Variants in ARL10 observed in about 807,000 individuals in gnomAD.
ARL10 encodes the protein ARF like GTPase 10, also known as ADP-ribosylation factor-like protein 10.
In ARL10, 23 loss-of-function variants were observed where a neutral mutation model predicts 26.1. The ratio of observed to expected loss-of-function variants is 0.88; its 90% CI spans 0.63 to 1.25. ARL10 has a LOEUF of 1.25. Ranked by LOEUF, ARL10 falls within the 50% of genes most tolerant of loss-of-function variation. The pLI is 0.00. For synonymous variants in ARL10, 138 were observed against 149.1 expected (o/e 0.93, Z 0.54); for missense variants, 300 against 323.6 (o/e 0.93, Z 0.56).
chr5:176,369,247 T>C (rs1361562775), intron 3 of ARL10: 1 of 1,418,568 alleles, frequency 7.0e-7, no homozygotes, highest in Non-Finnish European at 9.3e-7. Flanking sequence ...TTTGTTTTTT[T>C]TTTGAGACAG....
chr5:176,414,174 C>A, the ARL10 span, among the ~76,000 whole-genome samples: 1 of 152,182 alleles, frequency 6.6e-6, no homozygotes, highest in Non-Finnish European at 1.5e-5. Flanking sequence ...CTCTTCCCTG[C>A]ACCCCGACCC....
downstream of ARL10, among the ~76,000 whole-genome samples, chr5:176,391,838 TA>T (rs1157567913): frequency 1.3e-5 from 2 of 152,228 alleles, no homozygotes; most frequent in African/African-American, 2.4e-5. Context: ...CCTCAAGAAC[TA>T]TGAGACAATA....
chr5:176,392,615 C>A, downstream of ARL10: 1 of 734,988 alleles, frequency 1.4e-6, no homozygotes, highest in South Asian at 1.8e-5. The surrounding 1 kb of genome is among the most constrained non-coding windows in gnomAD (Gnocchi z 5.2). Flanking sequence ...GGGAGCGAGG[C>A]GTGATGGGGT....
chr5:176,365,521 G>T lies in ARL10; in HGVS notation c.-43G>T. On this transcript the variant is annotated 5_prime_UTR_variant, in exon 1 of 4. Transcript: ENST00000310389. ...GGGGCCATCTTCGGCGGGCGAGTGG[G>T]CTCGGCCTGTGCAACCCGCACCTGC... 5 of 1,214,582 alleles carry T rather than the reference G, an allele frequency of 4.1e-6. No homozygotes were observed. Among genetic ancestry groups the T allele is most frequent in the Non-Finnish European group, 5.1e-6 (5 of 976,224 alleles). 75.2% of individuals were successfully genotyped at this position (1,214,582 alleles called of 1,614,324 possible). A position where few individuals can be genotyped will look rare whatever the true frequency, so the allele number is the denominator to read the frequency against.
At chr5:176,385,663 T>C (rs780303344), downstream of ARL10, among the ~76,000 whole-genome samples, 11 of 152,216 alleles carry the variant, frequency 7.2e-5, no homozygotes, top group Non-Finnish European at 1.5e-4. Context: ...TGAAGGCACA[T>C]ACCTGCCCAC....
At position 176,368,768 on chromosome 5, in the gene ARL10, G is replaced by A; in HGVS notation, c.386-39G>A. On this transcript the variant is annotated intron_variant, in intron 2 of 3. Coordinates refer to ENST00000310389, the MANE Select transcript of ARL10 (RefSeq NM_173664.6). The surrounding 1 kb of genome is among the most constrained non-coding windows in gnomAD (Gnocchi z 4.1). ...TGGGGGCTGTGGGCAGTGAGCGGGG[G>A]CCCGGGAGGCTCTGAGCTGGCCCCT... The A allele has an allele frequency of 1.9e-6, 3 of 1,568,672 alleles. No individual in the cohort carries two copies. The highest frequency in any genetic ancestry group is 2.6e-6 in the Non-Finnish European group (3 of 1,156,408).
downstream of ARL10, chr5:176,392,707 CCAAAG>C (rs1756311420): frequency 6.4e-7 from 1 of 1,573,168 alleles, no homozygotes; most frequent in African/African-American, 1.3e-5. The surrounding 1 kb of genome is among the most constrained non-coding windows in gnomAD (Gnocchi z 5.2). Context: ...TCCACCCCGA[CCAAAG>C]CAGCTGCTCC....
At chr5:176,385,285 G>C (rs1561781742), downstream of ARL10, 1 of 1,613,082 alleles carries the variant, frequency 6.2e-7, no homozygotes, top group Non-Finnish European at 8.5e-7. Context: ...CCGAGACAGA[G>C]TATTTCCTTT....
chr5:176,397,741 G>C (rs757907734), intron 1 of ARL10: 54 of 1,604,840 alleles, frequency 3.4e-5, no homozygotes, highest in Non-Finnish European at 4.6e-5. Flanking sequence ...AAGAGAATGA[G>C]TGGCTGCTTT....
downstream of ARL10, chr5:176,384,523 A>T (rs1755678698): frequency 8.0e-6 from 6 of 745,974 alleles, no homozygotes; most frequent in South Asian, 1.1e-4. Flanking sequence ...ACAGTGGCTC[A>T]TGCCTGTAAT....
downstream of ARL10, chr5:176,385,337 T>C (rs1264525181): frequency 4.0e-6 from 6 of 1,509,570 alleles, no homozygotes; most frequent in African/African-American, 6.9e-5. Flanking sequence ...TCTGGAGTGA[T>C]GAGAGAAGCG....
chr5:176,381,949 G>T (rs1395373640), downstream of ARL10: 1 of 152,142 alleles, frequency 6.6e-6, no homozygotes, highest in Non-Finnish European at 1.5e-5. Context: ...AAAACCTCAG[G>T]TCCCAGCAGC....
chr5:176,372,911 A>G lies in ARL10; in HGVS notation c.*1016A>G, dbSNP rs981427493. 3.5e-5 allele frequency: 14 copies of G among 398,602 alleles called. No homozygotes were observed. The highest frequency in any genetic ancestry group is 4.9e-5 in the Non-Finnish European group (11 of 226,088). 24.7% of individuals were successfully genotyped at this position (398,602 alleles called of 1,614,324 possible). On this transcript the variant is annotated 3_prime_UTR_variant, in exon 4 of 4. Transcript: ENST00000310389. ...TTTGGAACTTAGGAAAATAGCTGGA[A>G]TCATGAATGACAATGAGATAACATA... is the stretch of plus-strand genomic sequence containing the variant.
At chr5:176,406,090 C>T, downstream of ARL10, 3 of 937,128 alleles carry the variant, frequency 3.2e-6, no homozygotes, top group Non-Finnish European at 3.8e-6. Flanking sequence ...TTTTCCTGCC[C>T]CTGTCCCCAC....
chr5:176,390,612 T>C (rs1293166533), downstream of ARL10, among the ~76,000 whole-genome samples: 2 of 152,010 alleles, frequency 1.3e-5, no homozygotes, highest in African/African-American at 4.8e-5. Context: ...GTATTTCGTA[T>C]TTTTAGTAGA....
At chr5:176,397,346 C>CT (rs746181119) in intron 1 of ARL10, among the ~76,000 whole-genome samples, 4 of 144,948 alleles carry the variant, frequency 2.8e-5, no homozygotes, top group Non-Finnish European at 3.0e-5. Context: ...GTCCCCACAG[C>CT]CCCTCTCATG....
chr5:176,398,183 A>C, intron 1 of ARL10: 1 of 728,390 alleles, frequency 1.4e-6, no homozygotes, highest in Admixed American at 2.2e-5. Flanking sequence ...TGGTGACTAC[A>C]CCTATCTTTG....
chr5:176,383,821 AAG>A, downstream of ARL10: 3 of 662,158 alleles, frequency 4.5e-6, no homozygotes, highest in Non-Finnish European at 7.6e-6. Context: ...CCGTGCCTAG[AAG>A]AGCAAGTGAA....
rs1768249623 is a variant in ARL10 at position 176,365,572 on chromosome 5, G to A, written c.9G>A (p.Pro3=). 2 of 1,234,442 alleles carry A rather than the reference G, an allele frequency of 1.6e-6. No homozygotes were observed. Among genetic ancestry groups the A allele is most frequent in the African/African-American group, 1.6e-5 (1 of 64,248 alleles). 76.5% of individuals were successfully genotyped at this position (1,234,442 alleles called of 1,614,324 possible). The change falls in exon 1 of 4, where the codon CCG becomes CCA. Residue 3 remains proline (P), a synonymous_variant. Transcript: ENST00000310389. MA[P]RPLGPLVLAL... is the part of the protein sequence containing the mutation. ...GTCCCTCGCCCGGCCCGATGGCGCC[G>A]CGGCCGCTGGGCCCCTTGGTGCTGG...
Sources: gnomAD v4.1 joint callset for allele counts (sites outside exome capture counted in the v4.1 genomes callset) on GRCh38, gnomAD v4.1.1 for gene constraint, Gnocchi (gnomAD v3.1) non-coding constraint, MANE v1.5 for transcripts, NCBI Gene and HGNC (gene_info 2026-07-23, HGNC 2026-07-21) for gene names.